Variants in SATB2 observed in about 807,000 individuals in gnomAD.
The protein encoded by SATB2 is SATB homeobox 2.
A neutral mutation model predicts 73.4 loss-of-function variants in SATB2; 1 was observed. That is an observed-to-expected ratio of 0.01 (90% CI 0.00 to 0.06). The LOEUF is 0.06. SATB2 is among the 10% of genes least tolerant of loss of function. SATB2 has a pLI of 1.00. For missense variants in SATB2, 459 were observed against 945.8 expected (o/e 0.49, Z 6.75); for synonymous variants, 397 against 367.0 (o/e 1.08, Z -0.93).
At chr2:199,368,149 T>A (rs1228906190) in intron 6 of SATB2, among the ~76,000 whole-genome samples, 1 of 152,102 alleles carries the variant, frequency 6.6e-6, no homozygotes, top group Non-Finnish European at 1.5e-5. Context: ...ATGTAGAAGC[T>A]AAAGATTTGA....
At chr2:199,368,863 C>T in intron 5 of SATB2, 156 bp from the exon 6 acceptor site, 1 of 564,106 alleles carries the variant, frequency 1.8e-6, no homozygotes, top group South Asian at 2.2e-5. Flanking sequence ...AACACGATTA[C>T]CTGAATTTAC....
intron 2 of SATB2, among the ~76,000 whole-genome samples, chr2:199,440,084 C>A (rs1691770074): frequency 6.6e-6 from 1 of 152,088 alleles, no homozygotes; most frequent in Non-Finnish European, 1.5e-5. Flanking sequence ...CCAGCCTGGG[C>A]AACAGAAAGA....
chr2:199,464,663 G>C lies in SATB2; in HGVS notation c.-141+173C>G, dbSNP rs927875761. Among the ~76,000 whole-genome samples, 7 of 152,140 alleles carry C rather than the reference G, an allele frequency of 4.6e-5. No homozygotes were observed. The East Asian group carries it at 1.4e-3, about 29-fold the overall frequency. ...AGCGGGCCGGGGTCTGGCGAGCCAG[G>C]CAGCGGGCCGGCTGAGCTCCTGCGC... On this transcript the variant is annotated intron_variant, in intron 1 of 11. Transcript: ENST00000260926. The surrounding 1 kb of genome is among the most constrained non-coding windows in gnomAD (Gnocchi z 6.6).
chr2:199,412,060 G>A (rs1690836274), intron 3 of SATB2, among the ~76,000 whole-genome samples: 1 of 152,126 alleles, frequency 6.6e-6, no homozygotes, highest in African/African-American at 2.4e-5. Context: ...GGAGTGCGAG[G>A]AGTCACATGG....
intron 7 of SATB2, among the ~76,000 whole-genome samples, chr2:199,342,774 T>A (rs1459585164): frequency 1.3e-5 from 2 of 152,232 alleles, no homozygotes; most frequent in Non-Finnish European, 2.9e-5. Flanking sequence ...CATGACCTTG[T>A]CATAAAGTGT....
intron 3 of SATB2, among the ~76,000 whole-genome samples, chr2:199,431,921 G>A (rs1294424410): frequency 1.3e-5 from 2 of 152,126 alleles, no homozygotes; most frequent in Non-Finnish European, 2.9e-5. Context: ...AAAAGTTTGT[G>A]GGGGGAAGGG....
chr2:199,442,217 A>T (rs1691836845), intron 2 of SATB2, among the ~76,000 whole-genome samples: 1 of 152,072 alleles, frequency 6.6e-6, no homozygotes, highest in Admixed American at 6.6e-5. Context: ...TGTCCATATC[A>T]CTCTGGCCCC....
chr2:199,336,199 A>C (rs962280878), intron 7 of SATB2, among the ~76,000 whole-genome samples: 2 of 152,310 alleles, frequency 1.3e-5, no homozygotes, highest in African/African-American at 4.8e-5. Flanking sequence ...CAAAATTTAT[A>C]AAACACATTA....
chr2:199,274,817 A>G (rs1022348339), intron 10 of SATB2, among the ~76,000 whole-genome samples: 31 of 151,258 alleles, frequency 2.0e-4, no homozygotes, highest in Non-Finnish European at 3.8e-4. Context: ...CCCGGCAGGA[A>G]AAGCAGAGCT....
At position 199,464,363 on chromosome 2, in the gene SATB2, G is replaced by T. The variant is rs1692548889; in HGVS notation, c.-141+473C>A. Among the ~76,000 whole-genome samples the T allele has an allele frequency of 6.6e-6, 1 of 152,222 alleles. No homozygotes were observed. The highest frequency in any genetic ancestry group is 2.1e-4 in the South Asian group (1 of 4,822). Reference sequence around the variant, plus strand: ...CGGGCTTAGAGGACTTCACTGGGCGGGTTGGGGTTTATTTTCAATAAATTC... The same window carrying T: ...CGGGCTTAGAGGACTTCACTGGGCGTGTTGGGGTTTATTTTCAATAAATTC... On this transcript the variant is annotated intron_variant, in intron 1 of 11. Transcript: ENST00000260926. This position sits in a 1 kb window ranked among gnomAD's most constrained non-coding sequence, Gnocchi z 6.6.
At chr2:199,430,718 C>T (rs1691476922) in intron 3 of SATB2, among the ~76,000 whole-genome samples, 1 of 152,118 alleles carries the variant, frequency 6.6e-6, no homozygotes, top group Non-Finnish European at 1.5e-5. Flanking sequence ...GGAGGGAATA[C>T]CCTCTGAGAA....
intron 2 of SATB2, among the ~76,000 whole-genome samples, chr2:199,446,119 T>C (rs906037876): frequency 6.6e-6 from 1 of 152,188 alleles, no homozygotes; most frequent in Admixed American, 6.5e-5. Context: ...TAGTCAATGT[T>C]ACAATTACAG....
chr2:199,465,696 T>C, upstream of SATB2, among the ~76,000 whole-genome samples: 1 of 152,242 alleles, frequency 6.6e-6, no homozygotes, highest in South Asian at 2.1e-4. Context: ...CTAAGAATGT[T>C]TCTCTCCAAC....
chr2:199,409,852 GAA>G (rs960359180), intron 3 of SATB2, among the ~76,000 whole-genome samples: 1 of 152,118 alleles, frequency 6.6e-6, no homozygotes, highest in African/African-American at 2.4e-5. Context: ...AATTTAACTT[GAA>G]AAGAGTTTCC....
rs531842068 is a variant in SATB2 at position 199,343,719 on chromosome 2, TA to T, written c.1173+4981del. On this transcript the variant is annotated intron_variant, in intron 7 of 10. Coordinates refer to ENST00000417098, the MANE Select transcript of SATB2 (RefSeq NM_001172509.2). ...CTTTCCTAAATTAAAAGCAGAATTT[TA>T]AAAGGAAATACTCATACATTCCTAC... Among the ~76,000 whole-genome samples, 744 of 152,326 alleles carry T rather than the reference TA, an allele frequency of 4.9e-3. 3 individuals carry two copies. Among genetic ancestry groups the T allele is most frequent in the Middle Eastern group, 0.01 (3 of 294 alleles).
chr2:199,353,641 T>A (rs1424337529), intron 6 of SATB2, among the ~76,000 whole-genome samples: 13 of 152,102 alleles, frequency 8.5e-5, no homozygotes, highest in Non-Finnish European at 1.6e-4. Flanking sequence ...TTTCTTTTTC[T>A]CTTTCTTTCT....
At chr2:199,392,434 C>T (rs983059171) in intron 3 of SATB2, among the ~76,000 whole-genome samples, 1 of 151,854 alleles carries the variant, frequency 6.6e-6, no homozygotes, top group Non-Finnish European at 1.5e-5. Flanking sequence ...AAAATAGTTT[C>T]TTGTGTATTA....
intron 3 of SATB2, among the ~76,000 whole-genome samples, chr2:199,382,419 C>T (rs1054382259): frequency 3.3e-5 from 5 of 152,132 alleles, no homozygotes; most frequent in African/African-American, 1.2e-4. Flanking sequence ...AGCAAAGATG[C>T]CCTCAAGTTC....
chr2:199,470,510 C>T (rs746732473), intron 1 of SATB2: 3 of 152,230 alleles, frequency 2.0e-5, no homozygotes, highest in African/African-American at 7.2e-5. Context: ...GCGGAAGAGG[C>T]GAGGGCAAGA....
Sources: allele counts gnomAD v4.1 joint callset (sites outside exome capture counted in the v4.1 genomes callset), GRCh38; gene constraint gnomAD v4.1.1; non-coding constraint Gnocchi (gnomAD v3.1); transcripts MANE v1.5; gene names NCBI Gene and HGNC (gene_info 2026-07-23, HGNC 2026-07-21).